Variants in MUSK observed in about 807,000 individuals in gnomAD.
The protein encoded by MUSK is muscle associated receptor tyrosine kinase, also known as muscle, skeletal receptor tyrosine-protein kinase.
In MUSK, 55 loss-of-function variants were observed where a neutral mutation model predicts 88.7. The ratio of observed to expected loss-of-function variants is 0.62; its 90% CI spans 0.50 to 0.78. The LOEUF is 0.78. Among genes scored for constraint, MUSK ranks in the 30% least tolerant of loss-of-function variants. The pLI, the probability that MUSK is intolerant of heterozygous loss-of-function variation, is 0.00. For missense variants in MUSK, 1,015 were observed against 1,074.3 expected (o/e 0.94, Z 0.77); for synonymous variants, 387 against 391.9 (o/e 0.99, Z 0.15).
At chr9:110,734,927 T>C (rs1023345251) in intron 6 of MUSK, among the ~76,000 whole-genome samples, 1 of 152,108 alleles carries the variant, frequency 6.6e-6, no homozygotes, top group Non-Finnish European at 1.5e-5. Flanking sequence ...GCCCTGTGGA[T>C]ACAGGAGTAA....
intron 5 of MUSK, among the ~76,000 whole-genome samples, chr9:110,716,308 C>T (rs992527642): frequency 3.3e-5 from 5 of 149,880 alleles, no homozygotes; most frequent in Non-Finnish European, 1.5e-5. Context: ...ATTTTTACAT[C>T]TCTTTTTGAT....
chr9:110,782,640 C>G (rs2077779673), intron 11 of MUSK, among the ~76,000 whole-genome samples: 1 of 152,192 alleles, frequency 6.6e-6, no homozygotes, highest in African/African-American at 2.4e-5. Flanking sequence ...TTCTCCCTAT[C>G]TTTTAATAAT....
intron 5 of MUSK, among the ~76,000 whole-genome samples, chr9:110,725,708 G>T (rs939989847): frequency 6.6e-6 from 1 of 151,910 alleles, no homozygotes; most frequent in Admixed American, 6.6e-5. Flanking sequence ...AAATAAAGCA[G>T]CAACAAAAGT....
chr9:110,736,757 C>A lies in MUSK; in HGVS notation c.753+2382C>A, dbSNP rs536975235. ...AAAATATCAGGAACTATTTTGAGGT[C>A]TAGATGAAGGTATTTTCCTCCAAAG... On this transcript the variant is annotated intron_variant, in intron 6 of 14. Transcript: ENST00000374448. Among the ~76,000 whole-genome samples the A allele has an allele frequency of 2.0e-5, 3 of 152,124 alleles. No homozygotes were observed. In the South Asian group the frequency reaches 6.2e-4, roughly 32 times the overall value.
chr9:110,791,228 C>A (rs1426806169), intron 14 of MUSK, among the ~76,000 whole-genome samples: 3 of 146,544 alleles, frequency 2.0e-5, no homozygotes, highest in African/African-American at 5.1e-5. Flanking sequence ...GAGTGCCAGA[C>A]AGTGGGCGCA....
rs1171563328 is a variant in MUSK at position 110,697,325 on chromosome 9, G to A, written c.487G>A (p.Glu163Lys). 3.1e-6 allele frequency: 5 copies of A among 1,612,380 alleles called. No homozygotes were observed. In the Admixed American group the frequency reaches 6.7e-5, roughly 22 times the overall value. Residue 163 changes from glutamate to lysine, a missense_variant and splice_region_variant, in exon 5 of 15, where the codon GAA becomes AAA. By Grantham distance (56) the Glu-to-Lys change is moderately conservative. Coordinates refer to ENST00000374448, the MANE Select transcript of MUSK (RefSeq NM_005592.4). The stretch of plus-strand genomic sequence containing the variant: ...GAATTCACGTCCCTATCTCTGGCAG[G>A]AAAATTCCCGAATTGCAGTTCTTGA... ...SWIKGDSPLR[E>K]NSRIAVLESG... is the part of the protein sequence containing the mutation.
chr9:110,694,738 A>G (rs1587916646), intron 3 of MUSK, among the ~76,000 whole-genome samples: 1 of 152,194 alleles, frequency 6.6e-6, no homozygotes, highest in Non-Finnish European at 1.5e-5. Flanking sequence ...TATTAGATTT[A>G]ATAACTTTCT....
At chr9:110,682,926 A>C (rs1352681686) in intron 2 of MUSK, 126 bp downstream of exon 2, 13 of 581,262 alleles carry the variant, frequency 2.2e-5, no homozygotes, top group Non-Finnish European at 3.7e-5. Context: ...TAAGTACCTC[A>C]TGGAGAATGG....
At chr9:110,800,104 C>G (rs1174293386) in intron 14 of MUSK, among the ~76,000 whole-genome samples, 1 of 152,128 alleles carries the variant, frequency 6.6e-6, no homozygotes, top group Non-Finnish European at 1.5e-5. Flanking sequence ...GACAGAAACC[C>G]CACTACCCAG....
intron 3 of MUSK, among the ~76,000 whole-genome samples, chr9:110,688,415 TAA>T (rs2076225832): frequency 6.6e-6 from 1 of 152,148 alleles, no homozygotes; most frequent in South Asian, 2.1e-4. Context: ...ATGTAGTCGT[TAA>T]GGTAAGTCTG....
intron 3 of MUSK, among the ~76,000 whole-genome samples, chr9:110,690,231 T>TATAAATATATATTTAAGTATAAATATAA (rs2076317517): frequency 1.2e-5 from 1 of 84,924 alleles, no homozygotes; most frequent in South Asian, 3.6e-4. Flanking sequence ...TATAAATATA[T>TATAAATATATATTTAAGTATAAATATAA]ATTTAAGTAT....
chr9:110,698,864 C>A (rs1219069593), intron 5 of MUSK, among the ~76,000 whole-genome samples: 2 of 152,090 alleles, frequency 1.3e-5, no homozygotes, highest in Admixed American at 6.6e-5. Context: ...CAAACCCACC[C>A]AGACACACAT....
At chr9:110,774,487 C>T (rs1352602595) in intron 9 of MUSK, among the ~76,000 whole-genome samples, 1 of 152,060 alleles carries the variant, frequency 6.6e-6, no homozygotes, top group Non-Finnish European at 1.5e-5. Flanking sequence ...AAAAAATTTC[C>T]CAGGTATTTG....
chr9:110,737,137 A>T (rs2077040177), intron 6 of MUSK, among the ~76,000 whole-genome samples: 1 of 151,904 alleles, frequency 6.6e-6, no homozygotes, highest in African/African-American at 2.4e-5. Context: ...TTTTTTTTTC[A>T]AAATTTTAAT....
At chr9:110,674,982 T>G (rs1360638620) in intron 1 of MUSK, among the ~76,000 whole-genome samples, 1 of 152,182 alleles carries the variant, frequency 6.6e-6, no homozygotes, top group African/African-American at 2.4e-5. Context: ...TCAAACAGCC[T>G]GGGTTTCTTT....
chr9:110,771,302 C>G (rs2077571954), intron 9 of MUSK, among the ~76,000 whole-genome samples: 1 of 151,354 alleles, frequency 6.6e-6, no homozygotes, highest in South Asian at 2.1e-4. Context: ...GTTGGTCAGG[C>G]TGGTCTCGAA....
intron 9 of MUSK, among the ~76,000 whole-genome samples, chr9:110,771,300 G>A (rs2077571916): frequency 6.6e-6 from 1 of 151,280 alleles, no homozygotes; most frequent in Non-Finnish European, 1.5e-5. Context: ...TTGTTGGTCA[G>A]GCTGGTCTCG....
intron 6 of MUSK, among the ~76,000 whole-genome samples, chr9:110,735,495 C>T (rs550069255): frequency 2.0e-5 from 3 of 151,886 alleles, no homozygotes; most frequent in South Asian, 2.1e-4. Flanking sequence ...TCTTTCATAA[C>T]TAAAAAAATT....
rs1268503765 is a variant in MUSK, at chr9:110,802,731, C to T, written c.*1743C>T. ...GCCAATGACTCAACCTCTACCGTTG[C>T]CCACCCTGTCTATTAGCTGGCCTTC... On this transcript the variant is annotated 3_prime_UTR_variant, in exon 15 of 15. Coordinates refer to ENST00000374448, the MANE Select transcript of MUSK (RefSeq NM_005592.4). Among the ~76,000 whole-genome samples the T allele has an allele frequency of 6.6e-6, 1 of 152,162 alleles. No homozygotes were observed. The highest frequency in any genetic ancestry group is 1.5e-5 in the Non-Finnish European group (1 of 68,036).
Sources: gnomAD v4.1 joint callset for allele counts (sites outside exome capture counted in the v4.1 genomes callset) on GRCh38, gnomAD v4.1.1 for gene constraint, MANE v1.5 for transcripts, NCBI Gene and HGNC (gene_info 2026-07-23, HGNC 2026-07-21) for gene names.